Variants in LINGO2 observed in about 807,000 individuals in gnomAD.
LINGO2 encodes the protein leucine-rich repeat and immunoglobulin-like domain-containing nogo receptor-interacting protein 2.
LINGO2 carries 14 observed loss-of-function variants against 30.6 expected under a neutral mutation model. The observed-to-expected ratio is 0.46, with a 90% CI of 0.30 to 0.72. The LOEUF (loss-of-function observed/expected upper bound fraction) is 0.72, where lower values mean the gene tolerates loss of function less well. Among genes scored for constraint, LINGO2 ranks in the 30% least tolerant of loss-of-function variants. The pLI, the probability that LINGO2 is intolerant of heterozygous loss-of-function variation, is 0.07. For synonymous variants in LINGO2, 317 were observed against 288.5 expected, an observed-to-expected ratio of 1.10 and a Z score of -1.00; for missense variants, 729 against 751.7, an observed-to-expected ratio of 0.97 and a Z score of 0.35.
chr9:28,001,489 A>G (rs1202290870), intron 5 of LINGO2, among the ~76,000 whole-genome samples: 2 of 152,174 alleles, frequency 1.3e-5, no homozygotes, highest in Admixed American at 1.3e-4. Flanking sequence ...AAGGCCCAGA[A>G]AGTGTGCAAA....
chr9:28,094,700 A>G (rs1587839629), intron 4 of LINGO2, among the ~76,000 whole-genome samples: 2 of 152,154 alleles, frequency 1.3e-5, no homozygotes, highest in Non-Finnish European at 2.9e-5. Context: ...ATAAGCTACA[A>G]TTAGAACAAG....
At chr9:29,032,779 T>A in the LINGO2 span, among the ~76,000 whole-genome samples, 3 of 152,174 alleles carry the variant, frequency 2.0e-5, no homozygotes, top group African/African-American at 7.2e-5. Context: ...ATTCAGTTCC[T>A]TAGTCACAAC....
At chr9:28,128,309 G>A (rs1827294567) in intron 4 of LINGO2, among the ~76,000 whole-genome samples, 1 of 152,156 alleles carries the variant, frequency 6.6e-6, no homozygotes, top group Non-Finnish European at 1.5e-5. Context: ...AGCTTCCCCT[G>A]GGTGAGGAAA....
the LINGO2 span, among the ~76,000 whole-genome samples, chr9:29,204,463 T>C: frequency 6.6e-6 from 1 of 152,158 alleles, no homozygotes; most frequent in East Asian, 1.9e-4. Context: ...CCACAGACAA[T>C]ATGTGACCCA....
At chr9:29,193,320 C>T in the LINGO2 span, among the ~76,000 whole-genome samples, 2 of 152,214 alleles carry the variant, frequency 1.3e-5, no homozygotes, top group South Asian at 2.1e-4. Context: ...GCTTACCATT[C>T]GGCCTCAAAT....
chr9:28,721,316 C>A, the LINGO2 span, among the ~76,000 whole-genome samples: 4 of 152,062 alleles, frequency 2.6e-5, no homozygotes, highest in Admixed American at 2.0e-4. Flanking sequence ...TGGGTATATA[C>A]CCAAAGGATT....
At chr9:28,671,513 CAAA>C (rs11286682), upstream of LINGO2, among the ~76,000 whole-genome samples, 372 of 105,638 alleles carry the variant, frequency 3.5e-3, 2 homozygotes, top group African/African-American at 0.012. Flanking sequence ...TTATCTTAAG[CAAA>C]AAAAAAAAAA....
chr9:28,726,853 C>T, the LINGO2 span, among the ~76,000 whole-genome samples: 1 of 152,194 alleles, frequency 6.6e-6, no homozygotes, highest in South Asian at 2.1e-4. Context: ...TACCTCTCCA[C>T]CTACTACCCA....
the LINGO2 span, among the ~76,000 whole-genome samples, chr9:28,730,334 C>G: frequency 6.6e-6 from 1 of 152,110 alleles, no homozygotes; most frequent in Non-Finnish European, 1.5e-5. Flanking sequence ...TTAGGGCTGT[C>G]ATTGATAAAA....
chr9:28,352,487 C>T (rs2134452310), intron 3 of LINGO2, among the ~76,000 whole-genome samples: 1 of 92,300 alleles, frequency 1.1e-5, no homozygotes, highest in African/African-American at 4.2e-5. Context: ...AACCACTGCT[C>T]AAGGAAATAA....
intron 3 of LINGO2, among the ~76,000 whole-genome samples, chr9:28,338,134 T>C (rs67517240): frequency 0.038 from 5,839 of 152,244 alleles, 262 homozygotes; most frequent in African/African-American, 0.11. Context: ...CCCAAGGCCA[T>C]GGGCACCTCA....
At chr9:27,963,768 T>TAA (rs1819964582) in intron 5 of LINGO2, among the ~76,000 whole-genome samples, 1 of 151,240 alleles carries the variant, frequency 6.6e-6, no homozygotes, top group South Asian at 2.1e-4. Flanking sequence ...GCAAAGGTTT[T>TAA]AATGAATAAT....
the LINGO2 span, among the ~76,000 whole-genome samples, chr9:28,850,805 TC>T: frequency 6.6e-6 from 1 of 152,068 alleles, no homozygotes; most frequent in South Asian, 2.1e-4. Flanking sequence ...AATAGGAGCA[TC>T]CAATGAGTCT....
intron 4 of LINGO2, among the ~76,000 whole-genome samples, chr9:28,270,950 A>G (rs987193008): frequency 2.0e-5 from 3 of 152,086 alleles, no homozygotes; most frequent in African/African-American, 7.2e-5. Flanking sequence ...GCCTATGTCT[A>G]TTAACATCTT....
At chr9:28,983,013 A>G in the LINGO2 span, among the ~76,000 whole-genome samples, 1 of 151,696 alleles carries the variant, frequency 6.6e-6, no homozygotes, top group Non-Finnish European at 1.5e-5. Flanking sequence ...CTTTTTCCCA[A>G]TATTTTATAA....
At chr9:28,686,040 T>C in the LINGO2 span, among the ~76,000 whole-genome samples, 1 of 151,428 alleles carries the variant, frequency 6.6e-6, no homozygotes, top group Non-Finnish European at 1.5e-5. Context: ...TAACCAAACA[T>C]TCTAGCAGTA....
At chr9:29,041,966 T>C in the LINGO2 span, among the ~76,000 whole-genome samples, 4 of 152,050 alleles carry the variant, frequency 2.6e-5, no homozygotes, top group East Asian at 5.8e-4. Context: ...AAACTTTCCA[T>C]CTAGAAAATG....
chr9:28,045,239 A>C (rs1213395993), intron 4 of LINGO2, among the ~76,000 whole-genome samples: 1 of 152,098 alleles, frequency 6.6e-6, no homozygotes, highest in African/African-American at 2.4e-5. Flanking sequence ...CAAATCTAAA[A>C]CACTGAGCCT....
At chr9:29,108,877 C>G in the LINGO2 span, among the ~76,000 whole-genome samples, 1 of 152,124 alleles carries the variant, frequency 6.6e-6, no homozygotes, top group Non-Finnish European at 1.5e-5. Context: ...ATTGCAAAGT[C>G]TGTTTATGAA....
Sources: allele counts gnomAD v4.1 joint callset (sites outside exome capture counted in the v4.1 genomes callset), GRCh38; gene constraint gnomAD v4.1.1; transcripts MANE v1.5; gene names NCBI Gene and HGNC (gene_info 2026-07-23, HGNC 2026-07-21).